Variants in MEIG1 observed in about 807,000 individuals in gnomAD.
MEIG1 encodes meiosis expressed gene 1 protein homolog.
A neutral mutation model predicts 11.3 loss-of-function variants in MEIG1; 12 were observed. The observed-to-expected ratio is 1.07, with a 90% CI of 0.68 to 1.73. MEIG1 has a LOEUF of 1.73. MEIG1 is among the 40% of genes most tolerant of loss of function. The probability of loss-of-function intolerance (pLI) is 0.00; values close to 1 mark genes in which losing one functional copy is unlikely to be tolerated. For synonymous variants in MEIG1, 41 were observed against 33.2 expected (o/e 1.24, Z -0.81); for missense variants, 119 against 104.9 (o/e 1.13, Z -0.59).
intron 1 of MEIG1, among the ~76,000 whole-genome samples, chr10:14,964,376 A>G (rs1490552620): frequency 2.0e-5 from 3 of 151,792 alleles, no homozygotes; most frequent in African/African-American, 4.8e-5. Context: ...TTTTTCCTCT[A>G]TTAAATCCAA....
At chr10:14,985,972 T>A (rs1430423836) in intron 1 of MEIG1, among the ~76,000 whole-genome samples, 2 of 152,086 alleles carry the variant, frequency 1.3e-5, no homozygotes, top group Non-Finnish European at 2.9e-5. Flanking sequence ...TATCACACAG[T>A]GTGCACACCC....
At chr10:14,955,710 C>G (rs1178294512), upstream of MEIG1, among the ~76,000 whole-genome samples, 3 of 152,092 alleles carry the variant, frequency 2.0e-5, no homozygotes, top group East Asian at 3.9e-4. Flanking sequence ...AAAAACAAAA[C>G]AAAACAGAAT....
downstream of MEIG1, among the ~76,000 whole-genome samples, chr10:14,975,452 AG>A (rs900009575): frequency 6.3e-4 from 96 of 152,172 alleles, no homozygotes; most frequent in African/African-American, 2.2e-3. Context: ...TAACATTCAA[AG>A]GTGGAGAGGT....
At chr10:14,973,233 G>C (rs768686260), downstream of MEIG1, among the ~76,000 whole-genome samples, 10 of 152,094 alleles carry the variant, frequency 6.6e-5, no homozygotes, top group African/African-American at 2.2e-4. Context: ...TCATCCCAAT[G>C]GTTAGACTAG....
At chr10:14,961,849 C>T (rs1271428466) in intron 1 of MEIG1, among the ~76,000 whole-genome samples, 2 of 151,558 alleles carry the variant, frequency 1.3e-5, no homozygotes, top group Admixed American at 6.6e-5. Flanking sequence ...TTCTTGTCTC[C>T]CAGGCTGGAA....
Position 14,978,506 on chromosome 10 carries a change from G to C in MEIG1, n.66+5886G>C, listed in dbSNP as rs568559532. On this transcript the variant is annotated intron_variant and non_coding_transcript_variant, in intron 1 of 2. Transcript: ENST00000467536. ...GTGATATCACAGGGGTGCACACCCTGTGATATTATTCACAGTATATGAGAG... is the reference window on the plus strand; with the variant it reads ...GTGATATCACAGGGGTGCACACCCTCTGATATTATTCACAGTATATGAGAG... 4.6e-5 allele frequency among the ~76,000 whole-genome samples: 7 copies of C among 151,710 alleles called. No homozygotes were observed. In the East Asian group the frequency reaches 1.4e-3, roughly 30 times the overall value.
chr10:14,963,686 C>G (rs1053576801), intron 1 of MEIG1, among the ~76,000 whole-genome samples: 1 of 151,922 alleles, frequency 6.6e-6, no homozygotes, highest in Non-Finnish European at 1.5e-5. Context: ...AAAACTGGAC[C>G]GGGTGCGGTG....
rs564690735 is a variant in MEIG1 at position 14,972,415 on chromosome 10, G to C, written c.139-98G>C. 15 of 1,477,924 alleles carry C rather than the reference G, an allele frequency of 1.0e-5. No homozygotes were observed. The Admixed American group carries it at 1.4e-4, about 14-fold the overall frequency. 91.6% of individuals were successfully genotyped at this position (1,477,924 alleles called of 1,614,324 possible). ...ATTCTAAAATCTAATCTTATACTTT[G>C]TTTCTGTAAGTCATACTTTTTAACT... is the stretch of plus-strand genomic sequence containing the variant. On this transcript the variant is annotated intron_variant, in intron 2 of 2. Coordinates refer to ENST00000407572, the MANE Select transcript of MEIG1 (RefSeq NM_001080836.3).
chr10:14,979,050 T>TG (rs1417735688), intron 1 of MEIG1, among the ~76,000 whole-genome samples: 3 of 152,036 alleles, frequency 2.0e-5, no homozygotes, highest in African/African-American at 7.3e-5. Context: ...ATGTTACTAC[T>TG]AATGCCACAA....
At chr10:14,970,546 G>C (rs1421512668) in intron 2 of MEIG1, 3 of 152,188 alleles carry the variant, frequency 2.0e-5, no homozygotes, top group African/African-American at 7.2e-5. Context: ...CCCTGCCAAA[G>C]GTATTGGAAG....
downstream of MEIG1, chr10:14,972,897 G>T: frequency 3.4e-6 from 1 of 298,154 alleles, no homozygotes; most frequent in South Asian, 3.5e-5. Context: ...ACAGAGTCTC[G>T]CTCTGTCGCC....
At chr10:14,972,331 C>T (rs1403369577) in intron 2 of MEIG1, among the ~76,000 whole-genome samples, 182 bp from the exon 3 acceptor site, 1 of 152,154 alleles carries the variant, frequency 6.6e-6, no homozygotes, top group Non-Finnish European at 1.5e-5. Context: ...AGTTATCTTA[C>T]AGCATAAGGC....
intron 1 of MEIG1, among the ~76,000 whole-genome samples, chr10:14,978,181 A>C (rs554913496): frequency 6.6e-6 from 1 of 151,998 alleles, no homozygotes; most frequent in East Asian, 1.9e-4. Context: ...CAATATCCAC[A>C]GGGAATGTTA....
chr10:14,957,417 A>G (rs1327277084), upstream of MEIG1, among the ~76,000 whole-genome samples: 1 of 152,190 alleles, frequency 6.6e-6, no homozygotes. Context: ...ATACTGATTC[A>G]AAATATATCC....
intron 1 of MEIG1, among the ~76,000 whole-genome samples, chr10:14,981,445 A>G (rs6602790): frequency 0.014 from 2,127 of 152,182 alleles, 50 homozygotes; most frequent in African/African-American, 0.049. Context: ...ATGTCCTCCT[A>G]CAGTACAAGT....
intron 1 of MEIG1, among the ~76,000 whole-genome samples, chr10:14,965,483 G>A (rs1052414756): frequency 6.6e-6 from 1 of 152,170 alleles, no homozygotes; most frequent in African/African-American, 2.4e-5. Flanking sequence ...GCCACACAGT[G>A]TGCATGGAAT....
chr10:14,982,821 A>G (rs1477300403), intron 1 of MEIG1, among the ~76,000 whole-genome samples: 1 of 152,174 alleles, frequency 6.6e-6, no homozygotes, highest in African/African-American at 2.4e-5. Context: ...GAAAATTCAT[A>G]TTAAAGAGTT....
downstream of MEIG1, among the ~76,000 whole-genome samples, chr10:14,973,835 C>T (rs1373740667): frequency 6.6e-6 from 1 of 150,970 alleles, no homozygotes; most frequent in East Asian, 1.9e-4. Flanking sequence ...AAAGTATGGT[C>T]ATAGAATATG....
chr10:14,958,795 C>T (rs935584646), upstream of MEIG1, among the ~76,000 whole-genome samples: 2 of 151,998 alleles, frequency 1.3e-5, no homozygotes, highest in Admixed American at 6.6e-5. Flanking sequence ...ACTCGGGAGG[C>T]TGAGGCAGGA....
Sources: allele counts gnomAD v4.1 joint callset (sites outside exome capture counted in the v4.1 genomes callset), GRCh38; gene constraint gnomAD v4.1.1; transcripts MANE v1.5; gene names NCBI Gene and HGNC (gene_info 2026-07-23, HGNC 2026-07-21).